The following ATP8A2 variants were observed in gnomAD, a reference collection of about 807,000 sequenced individuals.
ATP8A2 encodes phospholipid-transporting ATPase IB.
Under a neutral mutation model 165.6 loss-of-function variants are expected in ATP8A2, and 100 were observed. The ratio of observed to expected loss-of-function variants is 0.60; its 90% confidence interval spans 0.51 to 0.71. The LOEUF is 0.71. Ranked by LOEUF, ATP8A2 falls within the 30% of genes least tolerant of loss-of-function variation. The pLI is 0.00. For missense variants in ATP8A2, 1,227 were observed against 1,479.5 expected, an observed-to-expected ratio of 0.83 and a Z score of 2.80; for synonymous variants, 543 against 548.8, an observed-to-expected ratio of 0.99 and a Z score of 0.15.
At chr13:26,015,272 G>A (rs796577394) in intron 36 of ATP8A2, among the ~76,000 whole-genome samples, 2 of 152,292 alleles carry the variant, frequency 1.3e-5, no homozygotes, top group African/African-American at 4.8e-5. Context: ...AGAGAAGATC[G>A]TCGGGTGGTC....
At chr13:25,852,742 C>T (rs368738372) in intron 30 of ATP8A2, among the ~76,000 whole-genome samples, 37 of 151,904 alleles carry the variant, frequency 2.4e-4, no homozygotes, top group African/African-American at 8.7e-4. Context: ...TTTGGGAGGC[C>T]GAGGCAGGTG....
At position 25,737,179 on chromosome 13, in the gene ATP8A2, G is replaced by A. The variant is rs1430580969; in HGVS notation, c.2385-31867G>A. 2.0e-5 allele frequency among the ~76,000 whole-genome samples: 3 copies of A among 152,208 alleles called. No individual in the cohort carries two copies. The East Asian group carries it at 5.8e-4, about 29-fold the overall frequency. On this transcript the variant is annotated intron_variant, in intron 25 of 36. Coordinates refer to ENST00000381655, the MANE Select transcript of ATP8A2 (RefSeq NM_016529.6). ...CAGAGATCATAACTCTGCAAGGGAA[G>A]AAGGCAGCTATATTTACTTCACTTT...
chr13:25,530,542 T>G lies in ATP8A2; in HGVS notation c.322-20T>G. On this transcript the variant is annotated intron_variant, in intron 3 of 36. Coordinates refer to ENST00000381655, the MANE Select transcript of ATP8A2 (RefSeq NM_016529.6). ...ATTTTTAATGTGCCAACTTCCTACT[T>G]GTGGTCTCTTATCTTCCAGCAAATT... 1 of 1,435,622 alleles carries G rather than the reference T, an allele frequency of 7.0e-7. No homozygotes were observed. Among genetic ancestry groups the G allele is most frequent in the Non-Finnish European group, 9.7e-7 (1 of 1,034,800 alleles). The allele number at this position is 1,435,622 out of a possible 1,614,324, so 88.9% of individuals were successfully genotyped here.
chr13:25,421,943 G>A (rs761871810), intron 1 of ATP8A2, among the ~76,000 whole-genome samples: 3 of 152,054 alleles, frequency 2.0e-5, no homozygotes, highest in Non-Finnish European at 4.4e-5. Context: ...AAATTCATCA[G>A]CATTTTTCCA....
chr13:25,952,347 T>G (rs1024323672), intron 33 of ATP8A2, among the ~76,000 whole-genome samples: 4 of 151,762 alleles, frequency 2.6e-5, no homozygotes, highest in African/African-American at 9.7e-5. Context: ...GTGGGCTCAC[T>G]AAGCACTTCA....
At chr13:25,561,780 C>T (rs540662722) in intron 15 of ATP8A2, among the ~76,000 whole-genome samples, 1 of 152,318 alleles carries the variant, frequency 6.6e-6, no homozygotes, top group Non-Finnish European at 1.5e-5. Context: ...TTCTTCATTG[C>T]TGCCTGCCTC....
rs190758315 is a variant in ATP8A2, at chr13:25,376,698, A to T, written c.76+4410A>T. 2.1e-3 allele frequency among the ~76,000 whole-genome samples: 322 copies of T among 152,344 alleles called. 3 individuals are homozygous for T. The highest frequency in any genetic ancestry group is 7.3e-3 in the African/African-American group (304 of 41,582). The stretch of plus-strand genomic sequence containing the variant: ...CTCCCATGCTGCCCATCGTCATCTA[A>T]GGCAAAGTCCTCCAGCTAGGTATTT... On this transcript the variant is annotated intron_variant, in intron 1 of 36. Coordinates refer to ENST00000381655, the MANE Select transcript of ATP8A2 (RefSeq NM_016529.6).
chr13:25,961,418 G>A (rs115403751), intron 33 of ATP8A2, among the ~76,000 whole-genome samples, 157 bp from the exon 34 acceptor site: 2,231 of 152,336 alleles, frequency 0.015, 66 homozygotes, highest in African/African-American at 0.051. Context: ...AGCCCCATCC[G>A]TCCCCCTGAT....
intron 1 of ATP8A2, among the ~76,000 whole-genome samples, chr13:25,445,871 G>A (rs539568136): frequency 7.2e-5 from 11 of 152,128 alleles, no homozygotes; most frequent in Non-Finnish European, 1.0e-4. Context: ...GAGGGTACAA[G>A]ACAGGCAGTG....
At chr13:25,660,351 C>A (rs1460603653) in intron 24 of ATP8A2, among the ~76,000 whole-genome samples, 2 of 152,120 alleles carry the variant, frequency 1.3e-5, no homozygotes, top group Non-Finnish European at 2.9e-5. Context: ...GTATTTAACC[C>A]ATCAACCACT....
intron 26 of ATP8A2, among the ~76,000 whole-genome samples, chr13:25,774,230 TA>T (rs769936345): frequency 4.6e-5 from 7 of 152,156 alleles, no homozygotes; most frequent in Non-Finnish European, 8.8e-5. Flanking sequence ...TATGCAGCCA[TA>T]AAAAGGAATG....
rs375064580 is a variant in ATP8A2, at chr13:25,729,690, ACTC to A, written c.2384+30348_2384+30350del. 2.6e-3 allele frequency among the ~76,000 whole-genome samples: 388 copies of A among 151,146 alleles called. 4 individuals are homozygous for A. Among genetic ancestry groups the A allele is most frequent in the Admixed American group, 0.013 (193 of 15,200 alleles). ...CTTGTTTTGTTTGACTTGTGTTTAC[ACTC>A]CTTTTTAAGATGACTTTGTTAAACT... On this transcript the variant is annotated intron_variant, in intron 25 of 36. Coordinates refer to ENST00000381655, the MANE Select transcript of ATP8A2 (RefSeq NM_016529.6).
In ATP8A2 at chr13:25,554,615, G is replaced by A. The variant is rs570255393; in HGVS notation, c.1186-376G>A. ...GTGCTGTCACCCAGGCTGGAGTAAA[G>A]TGGTGTGATCTTAGCTCACTGCAAC... On this transcript the variant is annotated intron_variant, in intron 12 of 36. Transcript: ENST00000381655. 6.0e-4 allele frequency among the ~76,000 whole-genome samples: 91 copies of A among 151,830 alleles called. 1 individual carries two copies. Among genetic ancestry groups the A allele is most frequent in the Non-Finnish European group, 2.6e-4 (18 of 67,954 alleles).
intron 24 of ATP8A2, among the ~76,000 whole-genome samples, chr13:25,615,052 G>C (rs2040786337): frequency 6.6e-6 from 1 of 152,180 alleles, no homozygotes; most frequent in African/African-American, 2.4e-5. Context: ...GGGTCACCTG[G>C]ATAAGTATGG....
At chr13:25,802,119 C>T (rs893015521) in intron 27 of ATP8A2, among the ~76,000 whole-genome samples, 3 of 152,154 alleles carry the variant, frequency 2.0e-5, no homozygotes, top group African/African-American at 7.2e-5. Flanking sequence ...GTTAGAGATT[C>T]GTTGTATGAA....
At chr13:25,377,964 T>G (rs1184698600) in intron 1 of ATP8A2, among the ~76,000 whole-genome samples, 1 of 151,882 alleles carries the variant, frequency 6.6e-6, no homozygotes, top group Admixed American at 6.6e-5. Context: ...ACAAAAAAAT[T>G]ATAAATAGCC....
chr13:25,531,772 A>T (rs1217994799), intron 4 of ATP8A2, among the ~76,000 whole-genome samples: 1 of 152,174 alleles, frequency 6.6e-6, no homozygotes, highest in Non-Finnish European at 1.5e-5. Context: ...TATGTGCATA[A>T]AGTGAATATG....
chr13:25,784,794 C>T (rs1463730021), intron 27 of ATP8A2, among the ~76,000 whole-genome samples: 6 of 151,932 alleles, frequency 3.9e-5, no homozygotes, highest in Non-Finnish European at 8.8e-5. Flanking sequence ...GAGAAGGAGT[C>T]TCGCGCTGTC....
intron 33 of ATP8A2, among the ~76,000 whole-genome samples, chr13:25,924,910 C>T (rs989035389): frequency 3.9e-5 from 6 of 152,286 alleles, no homozygotes; most frequent in African/African-American, 1.4e-4. Flanking sequence ...TAAGACATGC[C>T]TTTGCTCCTC....
Sources: gnomAD v4.1 joint callset for allele counts (sites outside exome capture counted in the v4.1 genomes callset) on GRCh38, gnomAD v4.1.1 for gene constraint, MANE v1.5 for transcripts, NCBI Gene and HGNC (gene_info 2026-07-23, HGNC 2026-07-21) for gene names.